PHF24: variants seen among roughly 807,000 people sequenced by gnomAD.
The protein encoded by PHF24 is PHD finger protein 24, also known as Galpha inhibitory interacting protein.
PHF24 carries 25 observed loss-of-function variants against 42.6 expected under a neutral mutation model. That is an observed-to-expected ratio of 0.59 (90% CI 0.43 to 0.82). The LOEUF is 0.82. PHF24 is among the 40% of genes least tolerant of loss of function. PHF24 has a pLI of 0.00. For synonymous variants in PHF24, 185 were observed against 204.8 expected, an observed-to-expected ratio of 0.90 and a Z score of 0.83; for missense variants, 470 against 538.1, an observed-to-expected ratio of 0.87 and a Z score of 1.25.
the PHF24 span, among the ~76,000 whole-genome samples, chr9:34,852,715 T>C: frequency 1.3e-5 from 2 of 152,202 alleles, no homozygotes; most frequent in African/African-American, 2.4e-5. Context: ...CTTTGTTTTG[T>C]TTTTTAACAG....
the PHF24 span, among the ~76,000 whole-genome samples, chr9:34,869,708 GT>G: frequency 6.6e-6 from 1 of 152,076 alleles, no homozygotes; most frequent in Non-Finnish European, 1.5e-5. Flanking sequence ...ATCTAGAGAG[GT>G]TTTTTTGTTT....
At chr9:34,709,414 G>C in the PHF24 span, 76 of 1,610,438 alleles carry the variant, frequency 4.7e-5, no homozygotes, top group South Asian at 5.8e-4. Context: ...TTAGGGGTCT[G>C]TGACCGCTCA....
At chr9:34,690,452 G>GTGTGTA in the PHF24 span, 1 of 960,494 alleles carries the variant, frequency 1.0e-6, no homozygotes, top group East Asian at 2.6e-5. Context: ...GTGTGTGTGT[G>GTGTGTA]TGTGTGTGTG....
At chr9:34,747,150 A>G in the PHF24 span, among the ~76,000 whole-genome samples, 4 of 152,176 alleles carry the variant, frequency 2.6e-5, no homozygotes, top group African/African-American at 9.7e-5. Flanking sequence ...GCACACACCT[A>G]CAATCCCAGT....
the PHF24 span, chr9:34,723,309 C>T: frequency 1.9e-6 from 3 of 1,551,668 alleles, no homozygotes; most frequent in Non-Finnish European, 2.6e-6. Flanking sequence ...TAGCCCAGGG[C>T]TGAGGCAGAG....
At chr9:34,824,532 T>A in the PHF24 span, among the ~76,000 whole-genome samples, 1 of 149,152 alleles carries the variant, frequency 6.7e-6, no homozygotes, top group East Asian at 1.9e-4. Context: ...GATATTAAAG[T>A]AGGGTTTGGA....
the PHF24 span, among the ~76,000 whole-genome samples, chr9:34,802,271 C>T: frequency 6.6e-6 from 1 of 152,202 alleles, no homozygotes; most frequent in Admixed American, 6.5e-5. Flanking sequence ...TAGTACCCCA[C>T]TTCCTAATCA....
the PHF24 span, chr9:34,837,701 T>G: frequency 1.3e-6 from 2 of 1,504,648 alleles, no homozygotes; most frequent in Admixed American, 3.9e-5. Flanking sequence ...TTGGTGACGC[T>G]TAAAAGACAA....
chr9:34,889,469 A>G, the PHF24 span: 4 of 398,502 alleles, frequency 1.0e-5, no homozygotes, highest in Non-Finnish European at 1.8e-5. Flanking sequence ...CCCACACATG[A>G]TCTTTGGTGA....
chr9:34,760,871 A>G, the PHF24 span, among the ~76,000 whole-genome samples: 95 of 152,288 alleles, frequency 6.2e-4, no homozygotes, highest in African/African-American at 2.2e-3. Context: ...GAGCGCCTGT[A>G]GTCCCAGCTA....
the PHF24 span, among the ~76,000 whole-genome samples, chr9:34,707,995 G>T: frequency 6.6e-6 from 1 of 152,164 alleles, no homozygotes; most frequent in Admixed American, 6.5e-5. Context: ...CTCCCAAAGT[G>T]CTGGGATTAC....
chr9:34,849,695 C>A, the PHF24 span, among the ~76,000 whole-genome samples: 126 of 152,122 alleles, frequency 8.3e-4, 2 homozygotes, highest in South Asian at 0.015. Context: ...TCTTCCTAGC[C>A]TCGATGGTCT....
the PHF24 span, among the ~76,000 whole-genome samples, chr9:34,948,033 CG>C: frequency 6.7e-6 from 1 of 150,144 alleles, no homozygotes; most frequent in South Asian, 2.1e-4. Flanking sequence ...GGCGTGAACC[CG>C]GGGGGCGGAG....
At chr9:34,808,551 A>G in the PHF24 span, among the ~76,000 whole-genome samples, 14 of 152,272 alleles carry the variant, frequency 9.2e-5, no homozygotes, top group African/African-American at 3.4e-4. Context: ...TTTATAATGA[A>G]CAGAAATTTA....
At chr9:34,727,685 A>G in the PHF24 span, among the ~76,000 whole-genome samples, 10 of 152,234 alleles carry the variant, frequency 6.6e-5, no homozygotes, top group African/African-American at 2.4e-4. Flanking sequence ...TAAGACAAGG[A>G]TGACTTCTTT....
the PHF24 span, among the ~76,000 whole-genome samples, chr9:34,711,452 C>T: frequency 6.6e-6 from 1 of 151,534 alleles, no homozygotes; most frequent in Non-Finnish European, 1.5e-5. Context: ...AGGCTAGTCT[C>T]GAACGCCTGA....
chr9:34,818,129 A>C, the PHF24 span, among the ~76,000 whole-genome samples: 1 of 152,204 alleles, frequency 6.6e-6, no homozygotes, highest in Non-Finnish European at 1.5e-5. Flanking sequence ...GTTGCTTGTG[A>C]ATAGGGGCAC....
the PHF24 span, among the ~76,000 whole-genome samples, chr9:34,870,778 A>T: frequency 6.6e-6 from 1 of 152,140 alleles, no homozygotes; most frequent in Admixed American, 6.6e-5. Flanking sequence ...GTGTCTTTTC[A>T]TGGCTTCATA....
chr9:34,753,497 C>T, the PHF24 span, among the ~76,000 whole-genome samples: 1 of 151,922 alleles, frequency 6.6e-6, no homozygotes, highest in African/African-American at 2.4e-5. Flanking sequence ...GAAGAGGACA[C>T]AAAAAATAAA....
Sources: allele counts gnomAD v4.1 joint callset (sites outside exome capture counted in the v4.1 genomes callset), GRCh38; gene constraint gnomAD v4.1.1; transcripts MANE v1.5; gene names NCBI Gene and HGNC (gene_info 2026-07-23, HGNC 2026-07-21).